The following DNAH6 variants were observed in gnomAD, a reference collection of about 807,000 sequenced individuals.
DNAH6 encodes dynein axonemal heavy chain 6, also known as axonemal beta dynein heavy chain 6.
A neutral mutation model predicts 491.4 loss-of-function variants in DNAH6; 340 were observed. That is an observed-to-expected ratio of 0.69 (90% CI 0.63 to 0.76). DNAH6 has a LOEUF of 0.76. Ranked by LOEUF, DNAH6 falls within the 30% of genes least tolerant of loss-of-function variation. The pLI, the probability that DNAH6 is intolerant of heterozygous loss-of-function variation, is 0.00. For missense variants in DNAH6, 4,443 were observed against 4,972.2 expected, an observed-to-expected ratio of 0.89 and a Z score of 3.20; for synonymous variants, 1,603 against 1,686.1, an observed-to-expected ratio of 0.95 and a Z score of 1.21.
the DNAH6 span, among the ~76,000 whole-genome samples, chr2:84,471,239 A>G: frequency 6.6e-6 from 1 of 152,172 alleles, no homozygotes; most frequent in African/African-American, 2.4e-5. Flanking sequence ...ACTAGCTATC[A>G]TTATTACTAG....
chr2:84,589,203 G>T (rs949335368), intron 16 of DNAH6, among the ~76,000 whole-genome samples: 1 of 152,178 alleles, frequency 6.6e-6, no homozygotes, highest in African/African-American at 2.4e-5. Flanking sequence ...AAAACTTTCA[G>T]ACAAGGAACT....
intron 64 of DNAH6, among the ~76,000 whole-genome samples, chr2:84,778,653 A>T (rs1039769607): frequency 6.6e-6 from 1 of 151,752 alleles, no homozygotes; most frequent in Non-Finnish European, 1.5e-5. Context: ...GGCACACACC[A>T]CTATGCCTGG....
intron 4 of DNAH6, among the ~76,000 whole-genome samples, chr2:84,541,956 C>A (rs989733024): frequency 6.6e-6 from 1 of 152,128 alleles, no homozygotes; most frequent in Admixed American, 6.5e-5. Flanking sequence ...TGCTGATGAT[C>A]CAACCTTTGA....
chr2:84,511,376 C>T, the DNAH6 span, among the ~76,000 whole-genome samples: 13 of 152,312 alleles, frequency 8.5e-5, no homozygotes, highest in Admixed American at 3.9e-4. Flanking sequence ...CCAAGCCATG[C>T]GCGGGATATA....
At chr2:84,718,512 G>A in intron 59 of DNAH6, 128 bp downstream of exon 59, 2 of 668,928 alleles carry the variant, frequency 3.0e-6, no homozygotes, top group Non-Finnish European at 2.3e-6. Context: ...TGGACACACA[G>A]ACGGGTGCCT....
chr2:84,743,773 G>A (rs540388142), intron 62 of DNAH6, among the ~76,000 whole-genome samples: 1 of 152,296 alleles, frequency 6.6e-6, no homozygotes, highest in East Asian at 1.9e-4. Flanking sequence ...AGTGAGCCGA[G>A]AACACGCCAC....
chr2:84,688,301 C>A, intron 44 of DNAH6, 138 bp from the exon 45 acceptor site: 2 of 578,614 alleles, frequency 3.5e-6, no homozygotes, highest in Non-Finnish European at 2.7e-6. Flanking sequence ...AACCCTATTT[C>A]TGAGCTCCTA....
At chr2:84,620,634 A>G (rs1687302680) in intron 24 of DNAH6, among the ~76,000 whole-genome samples, 1 of 152,224 alleles carries the variant, frequency 6.6e-6, no homozygotes, top group Non-Finnish European at 1.5e-5. Context: ...CTATGGGAAC[A>G]TATAAACATT....
At chr2:84,489,678 G>A in the DNAH6 span, among the ~76,000 whole-genome samples, 1 of 150,404 alleles carries the variant, frequency 6.6e-6, no homozygotes, top group African/African-American at 2.4e-5. Context: ...TAGAGAATAT[G>A]GTCTGTGAAC....
chr2:84,718,392 A>C lies in DNAH6; in HGVS notation c.9792+8A>C. 1 of 1,519,634 alleles carries C rather than the reference A, an allele frequency of 6.6e-7. No individual in the cohort carries two copies. The highest frequency in any genetic ancestry group is 8.8e-7 in the Non-Finnish European group (1 of 1,134,630). 94.1% of individuals were successfully genotyped at this position (1,519,634 alleles called of 1,614,324 possible). ...ACACTCCAGGATTCAAAGGCAAGTA[A>C]AATATTTTTAGTACTTATGGAAAGT... On this transcript the variant is annotated splice_region_variant and intron_variant, in intron 59 of 76. Coordinates refer to ENST00000389394, the MANE Select transcript of DNAH6 (RefSeq NM_001370.2).
chr2:84,819,201 G>A lies in DNAH6; in HGVS notation c.12374-104G>A, dbSNP rs572302685. On this transcript the variant is annotated intron_variant, in intron 76 of 76. Coordinates refer to ENST00000389394, the MANE Select transcript of DNAH6 (RefSeq NM_001370.2). ...ATTTGTCCAGCATCTTTAGGGGCAA[G>A]TCAGGCCTGGAACCCAGATGTCTTG... The A allele has an allele frequency of 1.0e-4, 76 of 728,150 alleles. No homozygotes were observed. In the African/African-American group the frequency reaches 1.3e-3, roughly 13 times the overall value. The allele number at this position is 728,150 out of a possible 1,614,324, so 45.1% of individuals were successfully genotyped here.
upstream of DNAH6, among the ~76,000 whole-genome samples, chr2:84,512,796 A>G (rs1421131430): frequency 6.6e-6 from 1 of 152,102 alleles, no homozygotes; most frequent in Non-Finnish European, 1.5e-5. Context: ...TAATATTAGC[A>G]TAGCCACTGC....
chr2:84,768,764 A>T (rs1002815300), intron 64 of DNAH6, among the ~76,000 whole-genome samples: 1 of 152,204 alleles, frequency 6.6e-6, no homozygotes, highest in African/African-American at 2.4e-5. Flanking sequence ...CCTCAAGTTG[A>T]TCTATATATT....
rs549396144 is a variant in DNAH6, at chr2:84,756,403, A to G, written c.10513-6352A>G. On this transcript the variant is annotated intron_variant, in intron 63 of 76. Transcript: ENST00000389394. ...TCATAACCTGTTTAATGACCTATCC[A>G]TTAGCCTTCTACAAGGAAAAATACA... Among the ~76,000 whole-genome samples, 146 of 152,330 alleles carry G rather than the reference A, an allele frequency of 9.6e-4. 2 individuals are homozygous for G. Among genetic ancestry groups the G allele is most frequent in the Admixed American group, 6.3e-3 (96 of 15,298 alleles).
chr2:84,783,054 A>G (rs543827347), intron 65 of DNAH6, among the ~76,000 whole-genome samples: 2 of 152,310 alleles, frequency 1.3e-5, no homozygotes, highest in African/African-American at 2.4e-5. Flanking sequence ...TCACCTAACC[A>G]TTTAAGTTCT....
Position 84,784,740 on chromosome 2 carries a change from C to G in DNAH6, c.10883C>G (p.Thr3628Ser). ...FTDPDSAIKD[T>S]FRLFLSSMPS... ...TAAGCAGATAGTGCTATCAAGGACA[C>G]TTTTCGACTTTTTTTAAGCTCCATG... The change falls in exon 66 of 77, where the codon ACT (threonine) becomes AGT (serine). Residue 3628 changes from threonine to serine, a missense_variant. Coordinates refer to ENST00000389394, the MANE Select transcript of DNAH6 (RefSeq NM_001370.2). 1 of 1,550,216 alleles carries G rather than the reference C, an allele frequency of 6.5e-7. No homozygotes were observed. The highest frequency in any genetic ancestry group is 8.7e-7 in the Non-Finnish European group (1 of 1,145,844).
chr2:84,544,447 A>G lies in DNAH6; in HGVS notation c.877A>G (p.Lys293Glu), dbSNP rs1199146963. The G allele has an allele frequency of 6.6e-7, 1 of 1,524,588 alleles. No individual in the cohort carries two copies. Among genetic ancestry groups the G allele is most frequent in the East Asian group, 2.5e-5 (1 of 40,652 alleles). 94.4% of individuals were successfully genotyped at this position (1,524,588 alleles called of 1,614,324 possible). A position where few individuals can be genotyped will look rare whatever the true frequency, so the allele number is the denominator to read the frequency against. The change falls in exon 5 of 77, where the codon AAA (lysine) becomes GAA (glutamate). Residue 293 changes from lysine to glutamate, a missense_variant. Physicochemically the swap from Lys to Glu is moderately conservative, Grantham distance 56. This residue lies in a region of DNAH6 where 2,977 missense variants were observed against 3,296.6 expected (regional missense o/e 0.90). Transcript: ENST00000389394. ...ATGGAGGAAGAATGTCCGCTCCAAG[A>G]AAATCACTGGATGTCAAAAATCTCT... ...SVWRKNVRSK[K>E]ITGCQKSLQK...
chr2:84,528,820 AGTCC>A (rs1405320374), intron 3 of DNAH6, 80 bp from the exon 4 acceptor site: 2 of 1,300,690 alleles, frequency 1.5e-6, no homozygotes, highest in Non-Finnish European at 2.1e-6. Context: ...TATGGCAATT[AGTCC>A]TTGAAGGTAA....
Position 84,658,459 on chromosome 2 carries a change from A to C in DNAH6, c.5925A>C (p.Gly1975=), listed in dbSNP as rs1317547565. The C allele has an allele frequency of 6.6e-7, 1 of 1,513,992 alleles. No homozygotes were observed. The highest frequency in any genetic ancestry group is 2.5e-5 in the East Asian group (1 of 39,492). 93.8% of individuals were successfully genotyped at this position (1,513,992 alleles called of 1,614,324 possible). Residue 1975 remains glycine (G), a synonymous_variant, in exon 36 of 77, where the codon GGA becomes GGC. Coordinates refer to ENST00000389394, the MANE Select transcript of DNAH6 (RefSeq NM_001370.2). The part of the protein sequence containing the change: ...LLESLILGKD[G]VNLAMEQTKL... Reference sequence around the variant, plus strand: ...AGTCCTTGATACTTGGGAAAGATGGAGTTAACTTGGCAATGGTATGAAGAG... The same window carrying C: ...AGTCCTTGATACTTGGGAAAGATGGCGTTAACTTGGCAATGGTATGAAGAG...
Sources: gnomAD v4.1 joint callset for allele counts (sites outside exome capture counted in the v4.1 genomes callset) on GRCh38, gnomAD v4.1.1 for gene constraint, gnomAD v4.1.1 regional missense constraint, MANE v1.5 for transcripts, NCBI Gene and HGNC (gene_info 2026-07-23, HGNC 2026-07-21) for gene names.